The following CRY1 variants were observed in gnomAD, a reference collection of about 807,000 sequenced individuals.
CRY1 encodes the protein cryptochrome-1.
Under a neutral mutation model 76.0 loss-of-function variants are expected in CRY1, and 45 were observed. The observed-to-expected ratio is 0.59, with a 90% CI of 0.47 to 0.76. The LOEUF (loss-of-function observed/expected upper bound fraction) is 0.76, where lower values mean the gene tolerates loss of function less well. CRY1 is among the 30% of genes least tolerant of loss of function. The pLI is 0.00. For synonymous variants in CRY1, 248 were observed against 244.0 expected (o/e 1.02, Z -0.15); for missense variants, 587 against 716.4 (o/e 0.82, Z 2.06).
chr12:107,031,616 T>C (rs1327874279), intron 1 of CRY1, among the ~76,000 whole-genome samples: 1 of 152,172 alleles, frequency 6.6e-6, no homozygotes, highest in Non-Finnish European at 1.5e-5. Context: ...TGATATTATG[T>C]TCACTCTGAC....
chr12:106,998,632 C>T (rs890799988), intron 7 of CRY1, among the ~76,000 whole-genome samples: 12 of 144,752 alleles, frequency 8.3e-5, no homozygotes, highest in South Asian at 6.6e-4. Flanking sequence ...TTGTATACAA[C>T]GGTGTACTAG....
chr12:107,091,975 T>TA (rs1333354778), intron 1 of CRY1, among the ~76,000 whole-genome samples: 1 of 152,182 alleles, frequency 6.6e-6, no homozygotes, highest in Non-Finnish European at 1.5e-5. Flanking sequence ...CCACAATACT[T>TA]ATCACCACCT....
At chr12:107,073,035 C>A (rs1194244663) in intron 1 of CRY1, 1 of 151,898 alleles carries the variant, frequency 6.6e-6, no homozygotes, top group Non-Finnish European at 1.5e-5. Flanking sequence ...TAGAGTGTAA[C>A]CTCAGTGTCA....
intron 1 of CRY1, among the ~76,000 whole-genome samples, chr12:107,058,502 T>G (rs919204394): frequency 6.6e-6 from 1 of 152,182 alleles, no homozygotes. Flanking sequence ...GGAAAATTCC[T>G]TACAAGCCAG....
intron 2 of CRY1, among the ~76,000 whole-genome samples, chr12:107,021,724 A>T (rs533113250): frequency 6.6e-6 from 1 of 152,226 alleles, no homozygotes; most frequent in South Asian, 2.1e-4. Flanking sequence ...ACACACACAC[A>T]CAAAAATATA....
chr12:106,998,147 A>C (rs1199771231), intron 7 of CRY1, 81 bp from the exon 8 acceptor site: 1 of 1,493,830 alleles, frequency 6.7e-7, no homozygotes, highest in Non-Finnish European at 9.1e-7. Context: ...GTAGAGCCAA[A>C]GTCAAGGCAA....
chr12:107,037,042 C>T (rs1206550707), intron 1 of CRY1, among the ~76,000 whole-genome samples: 1 of 152,030 alleles, frequency 6.6e-6, no homozygotes, highest in African/African-American at 2.4e-5. Context: ...AAGGTTTTTG[C>T]CTCTTTTATT....
In CRY1 at chr12:106,991,596, CA is replaced by C. The variant is rs1375433994; in HGVS notation, c.*405del. On this transcript the variant is annotated 3_prime_UTR_variant, in exon 13 of 13. Coordinates refer to ENST00000008527, the MANE Select transcript of CRY1 (RefSeq NM_004075.5). ...AGTGCAAAGTTAGATCAAACAACAT[CA>C]AGAAAATTCTGTCCTAAAATTTTAA... 3 of 152,570 alleles carry C rather than the reference CA, an allele frequency of 2.0e-5. No homozygotes were observed. Among genetic ancestry groups the C allele is most frequent in the African/African-American group, 7.2e-5 (3 of 41,438 alleles). 9.5% of individuals were successfully genotyped at this position (152,570 alleles called of 1,614,324 possible).
At chr12:107,055,069 C>T (rs1443095165) in intron 1 of CRY1, among the ~76,000 whole-genome samples, 1 of 151,674 alleles carries the variant, frequency 6.6e-6, no homozygotes, top group African/African-American at 2.4e-5. Context: ...AAAGAATATC[C>T]CGTCTAATAA....
At chr12:107,009,889 G>A (rs537199647) in intron 2 of CRY1, among the ~76,000 whole-genome samples, 2 of 152,002 alleles carry the variant, frequency 1.3e-5, no homozygotes, top group East Asian at 1.9e-4. Flanking sequence ...TCAGGGTTAT[G>A]CTGTCCTCAT....
rs7306763 is a variant in CRY1 at position 107,001,659 on chromosome 12, T to C, written c.595+105A>G. On this transcript the variant is annotated intron_variant, in intron 4 of 12. Coordinates refer to ENST00000008527, the MANE Select transcript of CRY1 (RefSeq NM_004075.5). ...CTTCTCCCCCTGCCCTTTCTTTCTC[T>C]CCTAATGCAAAATACTTTACATGGC... The C allele has an allele frequency of 3.8e-3, 3,950 of 1,040,124 alleles. 105 individuals are homozygous for C. In the African/African-American group the frequency reaches 0.056, roughly 15 times the overall value. 64.4% of individuals were successfully genotyped at this position (1,040,124 alleles called of 1,614,324 possible). A position where few individuals can be genotyped will look rare whatever the true frequency, so the allele number is the denominator to read the frequency against.
At chr12:107,080,929 G>A (rs1953316004) in intron 1 of CRY1, among the ~76,000 whole-genome samples, 1 of 152,116 alleles carries the variant, frequency 6.6e-6, no homozygotes, top group Non-Finnish European at 1.5e-5. Flanking sequence ...GGTTGTGTAT[G>A]TTTTACAGAA....
intron 1 of CRY1, among the ~76,000 whole-genome samples, chr12:107,074,636 T>TA (rs1953228292): frequency 6.6e-6 from 1 of 152,226 alleles, no homozygotes; most frequent in Non-Finnish European, 1.5e-5. Flanking sequence ...TTTATAATAC[T>TA]AAAAATTATT....
intron 2 of CRY1, among the ~76,000 whole-genome samples, chr12:107,008,556 G>C (rs889408068): frequency 6.6e-6 from 1 of 152,194 alleles, no homozygotes; most frequent in African/African-American, 2.4e-5. Flanking sequence ...CAAGTAATTT[G>C]TAAAAGCAAA....
intron 1 of CRY1, 89 bp downstream of exon 1, chr12:107,092,715 A>G: frequency 1.3e-6 from 2 of 1,554,684 alleles, no homozygotes; most frequent in Non-Finnish European, 1.7e-6. Flanking sequence ...TCCCACGTCT[A>G]AATTCACAGA....
chr12:107,042,418 G>C (rs1218898251), intron 1 of CRY1, among the ~76,000 whole-genome samples: 2 of 152,042 alleles, frequency 1.3e-5, no homozygotes, highest in Non-Finnish European at 2.9e-5. Flanking sequence ...CATGATCAAG[G>C]TTAGTATCAT....
At chr12:106,993,839 A>T (rs1262752291) in intron 10 of CRY1, among the ~76,000 whole-genome samples, 1 of 152,146 alleles carries the variant, frequency 6.6e-6, no homozygotes, top group Non-Finnish European at 1.5e-5. Context: ...ATTTTACAAT[A>T]AAAAAACCTA....
intron 2 of CRY1, among the ~76,000 whole-genome samples, chr12:107,014,510 C>T (rs1326799433): frequency 2.6e-5 from 4 of 152,152 alleles, no homozygotes; most frequent in Non-Finnish European, 5.9e-5. Flanking sequence ...AAATAATAAA[C>T]TAATTAATGC....
chr12:107,086,980 G>GA (rs1953409903), intron 1 of CRY1, among the ~76,000 whole-genome samples: 1 of 141,780 alleles, frequency 7.1e-6, no homozygotes, highest in South Asian at 2.3e-4. Context: ...ATACTGTTAA[G>GA]AAAAAGAAAA....
Sources: gnomAD v4.1 joint callset for allele counts (sites outside exome capture counted in the v4.1 genomes callset) on GRCh38, gnomAD v4.1.1 for gene constraint, MANE v1.5 for transcripts, NCBI Gene and HGNC (gene_info 2026-07-23, HGNC 2026-07-21) for gene names.